The following PSG3 variants were observed in gnomAD, a reference collection of about 807,000 sequenced individuals.
The protein encoded by PSG3 is pregnancy specific beta-1-glycoprotein 3.
PSG3 carries 61 observed loss-of-function variants against 47.5 expected under a neutral mutation model. That is an observed-to-expected ratio of 1.28 (90% CI 1.05 to 1.59). PSG3 has a LOEUF of 1.59. Among genes scored for constraint, PSG3 ranks in the 40% most tolerant of loss-of-function variants. The pLI, the probability that PSG3 is intolerant of heterozygous loss-of-function variation, is 0.00. For synonymous variants in PSG3, 263 were observed against 198.4 expected (o/e 1.33, Z -2.74); for missense variants, 756 against 524.0 (o/e 1.44, Z -4.32).
chr19:42,722,162 C>T (rs1969309184), intron 6 of PSG3, 72 bp from the exon 7 acceptor site: 3 of 403,312 alleles, frequency 7.4e-6, no homozygotes, highest in African/African-American at 4.1e-5. Flanking sequence ...AAAGACACAG[C>T]TCACAAAATC....
At chr19:42,730,150 G>T (rs2122175090) in intron 3 of PSG3, 94 bp from the exon 4 acceptor site, 4 of 1,561,024 alleles carry the variant, frequency 2.6e-6, no homozygotes, top group African/African-American at 1.4e-5. Context: ...CCACCTCTCA[G>T]CCCACCCGAG....
intron 6 of PSG3, among the ~76,000 whole-genome samples, chr19:42,722,501 A>G (rs1969314799): frequency 1.3e-5 from 2 of 152,090 alleles, no homozygotes; most frequent in Non-Finnish European, 2.9e-5. Context: ...TGATCCGCCC[A>G]CCTCGGCCTC....
intron 5 of PSG3, 148 bp from the exon 6 acceptor site, chr19:42,724,173 T>A: frequency 7.3e-7 from 1 of 1,379,166 alleles, no homozygotes; most frequent in Non-Finnish European, 9.7e-7. Context: ...AGGAGATGAT[T>A]ATATTCTTGC....
Position 42,722,016 on chromosome 19 carries a change from A to C in PSG3, c.*115T>G, listed in dbSNP as rs763013129. On this transcript the variant is annotated 3_prime_UTR_variant, in exon 7 of 7. Transcript: ENST00000327495. ...AGAGTCCTTGTCAGAGTCTTTTCAT[A>C]AATCTCCTTGAACAAAAAGCAATTT... 56 of 416,588 alleles carry C rather than the reference A, an allele frequency of 1.3e-4. No homozygotes were observed. The highest frequency in any genetic ancestry group is 1.1e-3 in the African/African-American group (54 of 48,814). The allele number at this position is 416,588 out of a possible 1,614,324, so 25.8% of individuals were successfully genotyped here.
chr19:42,721,806 AAC>A lies in PSG3; in HGVS notation c.*323_*324del. 2.4e-6 allele frequency: 1 copy of A among 409,896 alleles called. No individual in the cohort carries two copies. The highest frequency in any genetic ancestry group is 4.4e-6 in the Non-Finnish European group (1 of 225,452). 25.4% of individuals were successfully genotyped at this position (409,896 alleles called of 1,614,324 possible). On this transcript the variant is annotated 3_prime_UTR_variant, in exon 7 of 7. Transcript: ENST00000327495. The stretch of plus-strand genomic sequence containing the variant: ...AAAAGTGCATAAATCTGGAGAATAA[AAC>A]ATTCAAAGAATCAGCACATTTTCAA...
At chr19:42,731,851 C>T (rs1402743729) in intron 3 of PSG3, 1 of 151,194 alleles carries the variant, frequency 6.6e-6, no homozygotes, top group African/African-American at 2.5e-5. Flanking sequence ...TTTGGTTAAA[C>T]TTATTTCAAA....
intron 6 of PSG3, among the ~76,000 whole-genome samples, chr19:42,722,358 C>A (rs1390489558): frequency 6.6e-6 from 1 of 152,206 alleles, no homozygotes; most frequent in Non-Finnish European, 1.5e-5. Context: ...TCCTGCCATT[C>A]TCCTGCCTCA....
rs994991887 is a variant in PSG3, at chr19:42,721,973, A to C, written c.*158T>G. 3.4e-5 allele frequency: 14 copies of C among 416,790 alleles called. No individual in the cohort carries two copies. Among genetic ancestry groups the C allele is most frequent in the Non-Finnish European group, 4.0e-5 (9 of 227,372 alleles). 25.8% of individuals were successfully genotyped at this position (416,790 alleles called of 1,614,324 possible). A position where few individuals can be genotyped will look rare whatever the true frequency, so the allele number is the denominator to read the frequency against. ...AGTCCAGTGGTATGATCTTGAAGTT[A>C]TCAGGAACTTGTATTCAAGAGTCCT... On this transcript the variant is annotated 3_prime_UTR_variant, in exon 7 of 7. Coordinates refer to ENST00000327495, the MANE Select transcript of PSG3 (RefSeq NM_021016.4).
rs1969654332 is a variant in PSG3, at chr19:42,740,429, G to C, written c.-45C>G. The stretch of plus-strand genomic sequence containing the variant: ...TTCTCCTCTGTGGAGCTGAGCCTAG[G>C]ATCCAGAAACTTCCTGAGCATGGCT... On this transcript the variant is annotated 5_prime_UTR_variant, in exon 1 of 7. It adds an upstream start codon to the 5' untranslated region. Transcript: ENST00000327495. The C allele has an allele frequency of 6.2e-7, 1 of 1,613,748 alleles. No individual in the cohort carries two copies. The highest frequency in any genetic ancestry group is 8.5e-7 in the Non-Finnish European group (1 of 1,179,834).
Position 42,727,736 on chromosome 19 carries a change from A to G in PSG3, c.1243+1387T>C, listed in dbSNP as rs377750724. On this transcript the variant is annotated intron_variant, in intron 5 of 6. Transcript: ENST00000327495. ...TGGCTCTCTCTCAAAAAATTAAACA[A>G]TAAATTACCATTTGATCCAGCAATT... 7.2e-5 allele frequency among the ~76,000 whole-genome samples: 11 copies of G among 152,338 alleles called. No individual in the cohort carries two copies. In the East Asian group the frequency reaches 2.1e-3, roughly 29 times the overall value.
intron 3 of PSG3, chr19:42,732,253 C>T (rs1311098074): frequency 1.2e-5 from 2 of 171,452 alleles, no homozygotes; most frequent in Admixed American, 1.1e-4. Context: ...GTGCTGATTG[C>T]TGGAACTTCC....
Position 42,739,061 on chromosome 19 carries a change from A to G in PSG3, c.93T>C (p.Pro31=), listed in dbSNP as rs528706621. The change falls in exon 2 of 7, where the codon CCT becomes CCC. Residue 31 remains proline (P), a synonymous_variant. Transcript: ENST00000327495. The part of the protein sequence containing the change: ...TALLLNFWNL[P]TTAQVTIEAE... Reference sequence around the variant, plus strand: ...CTTCAATCGTGACTTGGGCAGTGGTAGGCAAGTTCCAGAAGTTTAAAAGTA... The same window carrying G: ...CTTCAATCGTGACTTGGGCAGTGGTGGGCAAGTTCCAGAAGTTTAAAAGTA... 1.2e-5 allele frequency: 19 copies of G among 1,609,518 alleles called. No homozygotes were observed. The highest frequency in any genetic ancestry group is 1.1e-4 in the African/African-American group (8 of 74,662).
At chr19:42,723,096 TC>T (rs1167273116) in intron 6 of PSG3, among the ~76,000 whole-genome samples, 2 of 152,254 alleles carry the variant, frequency 1.3e-5, no homozygotes, top group African/African-American at 2.4e-5. Flanking sequence ...AGGCTTTATG[TC>T]TCCTGGCGTA....
intron 5 of PSG3, 89 bp from the exon 6 acceptor site, chr19:42,724,114 T>A (rs1183795647): frequency 6.8e-7 from 1 of 1,476,622 alleles, no homozygotes; most frequent in Non-Finnish European, 9.3e-7. Context: ...CATGAGGTAC[T>A]CTATAATTGT....
At chr19:42,723,170 A>G (rs1044942617) in intron 6 of PSG3, among the ~76,000 whole-genome samples, 3 of 152,222 alleles carry the variant, frequency 2.0e-5, no homozygotes, top group Non-Finnish European at 2.9e-5. Context: ...TCAGGAAAAG[A>G]TCTCAACCAC....
At position 42,723,947 on chromosome 19, in the gene PSG3, A is replaced by C; in HGVS notation, c.*35T>G. 2 of 1,583,770 alleles carry C rather than the reference A, an allele frequency of 1.3e-6. No individual in the cohort carries two copies. Among genetic ancestry groups the C allele is most frequent in the South Asian group, 2.2e-5 (2 of 90,468 alleles). On this transcript the variant is annotated 3_prime_UTR_variant, in exon 6 of 7. Transcript: ENST00000327495. Reference sequence around the variant, plus strand: ...AAGAGGAAAGGTCATCATACCTGCCAGTCTTCCTGAAATACAGAAATGACA... The same window carrying C: ...AAGAGGAAAGGTCATCATACCTGCCCGTCTTCCTGAAATACAGAAATGACA...
rs534647406 is a variant in PSG3, at chr19:42,729,194, A to C, written c.1172T>G (p.Leu391Arg). The change falls in exon 5 of 7, where the codon CTC becomes CGC. Residue 391 changes from leucine (L) to arginine (R), a missense_variant. By Grantham distance (102) the Leu-to-Arg change is moderately radical. Transcript: ENST00000327495. ...IPQITTKHSG[L>R]YACSVRNSAT... ...TGAGTTACGAACAGAGCAAGCATAG[A>C]GCCCGCTATGCTTTGTAGTAATCTG... 3.1e-6 allele frequency: 5 copies of C among 1,614,000 alleles called. No individual in the cohort carries two copies. The Admixed American group carries it at 6.7e-5, about 22-fold the overall frequency.
intron 2 of PSG3, among the ~76,000 whole-genome samples, chr19:42,738,300 G>A (rs1969600385): frequency 6.6e-6 from 1 of 152,220 alleles, no homozygotes; most frequent in South Asian, 2.1e-4. Flanking sequence ...AGGCTCCTCA[G>A]ATTTATCTGG....
At position 42,738,585 on chromosome 19, in the gene PSG3, G is replaced by T. The variant is rs187414461; in HGVS notation, c.430+139C>A. On this transcript the variant is annotated intron_variant, in intron 2 of 6. Transcript: ENST00000327495. ...GTTGAAATTTGTCTCTTCTGTGTGT[G>T]TCCTGCACTAAATGCCCAAACCCCA... 4 of 1,524,028 alleles carry T rather than the reference G, an allele frequency of 2.6e-6. No individual in the cohort carries two copies. In the African/African-American group the frequency reaches 4.1e-5, roughly 16 times the overall value. The allele number at this position is 1,524,028 out of a possible 1,614,324, so 94.4% of individuals were successfully genotyped here.
Sources: allele counts gnomAD v4.1 joint callset (sites outside exome capture counted in the v4.1 genomes callset), GRCh38; gene constraint gnomAD v4.1.1; transcripts MANE v1.5; gene names NCBI Gene and HGNC (gene_info 2026-07-23, HGNC 2026-07-21).